Variants in UBR4 observed in about 807,000 individuals in gnomAD.
The protein encoded by UBR4 is ubiquitin protein ligase E3 component n-recognin 4.
Under a neutral mutation model 575.6 loss-of-function variants are expected in UBR4, and 124 were observed. The observed-to-expected ratio is 0.22, with a 90% CI of 0.19 to 0.25. The LOEUF is 0.25. UBR4 is among the 10% of genes least tolerant of loss of function. The pLI is 1.00. For missense variants in UBR4, 4,818 were observed against 6,478.8 expected, an observed-to-expected ratio of 0.74 and a Z score of 8.80; for synonymous variants, 2,455 against 2,473.7, an observed-to-expected ratio of 0.99 and a Z score of 0.22.
intron 102 of UBR4, 197 bp from the exon 103 acceptor site, chr1:19,081,770 C>G (rs552767421): frequency 6.9e-6 from 5 of 726,012 alleles, no homozygotes; most frequent in East Asian, 5.4e-5. Flanking sequence ...CTTCCAGGCC[C>G]TTCTTCGCGG....
Position 19,115,537 on chromosome 1 carries a change from T to C in UBR4, c.10924A>G (p.Ile3642Val). The change falls in exon 74 of 106, where the codon ATT (isoleucine) becomes GTT (valine). Residue 3642 changes from isoleucine (I) to valine (V), a missense_variant. Transcript: ENST00000375254. ...TTTTCATAGAAGTCTGCAAACTCAA[T>C]CATCAGATTGGAGGCCACAATGGGC... ...PLPIVASNLMIEFADFYENYQ... is the reference protein window; with the variant it reads ...PLPIVASNLMVEFADFYENYQ... 1.9e-6 allele frequency: 3 copies of C among 1,614,176 alleles called. No homozygotes were observed. The highest frequency in any genetic ancestry group is 2.5e-6 in the Non-Finnish European group (3 of 1,180,018).
intron 30 of UBR4, 126 bp downstream of exon 30, chr1:19,165,530 A>C: frequency 8.8e-7 from 1 of 1,130,168 alleles, no homozygotes; most frequent in Non-Finnish European, 1.3e-6. Flanking sequence ...TTAACTCCCC[A>C]AAGTGCAGAC....
Position 19,151,763 on chromosome 1 carries a change from G to C in UBR4, c.7093C>G (p.Pro2365Ala). Residue 2365 changes from proline (P) to alanine (A), a missense_variant, in exon 48 of 106, where the codon CCG (proline) becomes GCG (alanine). Transcript: ENST00000375254. ...CTGCCGAAGATCTCGATATATGACGGGGCCCGTTCTATTGCTTGAGTCCCA... is the reference window on the plus strand; with the variant it reads ...CTGCCGAAGATCTCGATATATGACGCGGCCCGTTCTATTGCTTGAGTCCCA... ...QIGTQAIERA[P>A]SYIEIFGRTM... is the part of the protein sequence containing the mutation. The C allele has an allele frequency of 6.2e-7, 1 of 1,614,172 alleles. No homozygotes were observed. Among genetic ancestry groups the C allele is most frequent in the East Asian group, 2.2e-5 (1 of 44,886 alleles).
chr1:19,143,965 C>G lies in UBR4; in HGVS notation c.8179+15G>C. ...CCAAATACAGGCTTGAGCCTAAACC[C>G]AGACCTCATATTACCCATTGGAGTG... On this transcript the variant is annotated intron_variant, in intron 55 of 105. Coordinates refer to ENST00000375254, the MANE Select transcript of UBR4 (RefSeq NM_020765.3). The G allele has an allele frequency of 6.2e-7, 1 of 1,611,448 alleles. No homozygotes were observed. The highest frequency in any genetic ancestry group is 1.1e-5 in the South Asian group (1 of 91,022).
chr1:19,104,226 G>A lies in UBR4; in HGVS notation c.12759C>T (p.Ser4253=). The A allele has an allele frequency of 5.6e-6, 9 of 1,614,178 alleles. No individual in the cohort carries two copies. Among genetic ancestry groups the A allele is most frequent in the Middle Eastern group, 1.6e-4 (1 of 6,062 alleles). The change falls in exon 87 of 106, where the codon TCC becomes TCT. Residue 4253 remains serine, a synonymous_variant. Transcript: ENST00000375254. ...GLLSSFVEVE[S]IKRHFKSRLV... The stretch of plus-strand genomic sequence containing the variant: ...AGCGACTTTTAAAATGTCTTTTGAT[G>A]GATTCCACCTCAACAAAGGAGGAGA...
At chr1:19,197,426 C>T (rs937890796) in intron 7 of UBR4, among the ~76,000 whole-genome samples, 161 bp from the exon 8 acceptor site, 3 of 152,164 alleles carry the variant, frequency 2.0e-5, no homozygotes, top group Non-Finnish European at 4.4e-5. Flanking sequence ...CCCAGGAGTT[C>T]AAGACCAGCC....
intron 19 of UBR4, 43 bp downstream of exon 19, chr1:19,177,418 T>C (rs1421039548): frequency 6.3e-7 from 1 of 1,597,234 alleles, no homozygotes; most frequent in East Asian, 2.2e-5. Flanking sequence ...AAGAATAAAG[T>C]TCTCAGTAAT....
intron 105 of UBR4, 144 bp downstream of exon 105, chr1:19,076,596 T>C (rs2075966063): frequency 3.6e-6 from 4 of 1,120,020 alleles, no homozygotes; most frequent in Non-Finnish European, 5.3e-6. Context: ...TTACGCATCT[T>C]TCCCAGGGCT....
chr1:19,110,119 C>T lies in UBR4; in HGVS notation c.12082G>A (p.Ala4028Thr). 1 of 1,614,164 alleles carries T rather than the reference C, an allele frequency of 6.2e-7. No individual in the cohort carries two copies. The highest frequency in any genetic ancestry group is 1.3e-5 in the African/African-American group (1 of 75,046). The change falls in exon 81 of 106, where the codon GCT becomes ACT. Residue 4028 changes from alanine to threonine, a missense_variant. This residue lies in a region of UBR4 where 333 missense variants were observed against 459.2 expected (regional missense o/e 0.73). Transcript: ENST00000375254. The surrounding 1 kb of genome is among the most constrained non-coding windows in gnomAD (Gnocchi z 4.5). ...RILQKLIKPP[A>T]PTSKKNKDVP... ...ACCTTGTTCTTCTTGCTAGTGGGAG[C>T]AGGTGGTTTTATCAGCTTCTGCAAG... is the stretch of plus-strand genomic sequence containing the variant.
Position 19,100,151 on chromosome 1 carries a change from T to C in UBR4, c.13221+225A>G, listed in dbSNP as rs1210659485. On this transcript the variant is annotated intron_variant, in intron 89 of 105. Transcript: ENST00000375254. This position sits in a 1 kb window ranked among gnomAD's most constrained non-coding sequence, Gnocchi z 4.2. ...CTACAACCAACAGCCATTAACAATA[T>C]GCTTACTTCCTGCCAGGCACTGGGC... The C allele has an allele frequency of 1.1e-5, 6 of 569,946 alleles. No homozygotes were observed. Among genetic ancestry groups the C allele is most frequent in the Non-Finnish European group, 1.6e-5 (5 of 322,466 alleles). 35.3% of individuals were successfully genotyped at this position (569,946 alleles called of 1,614,324 possible).
intron 26 of UBR4, 128 bp downstream of exon 26, chr1:19,170,634 A>G (rs2089373872): frequency 1.6e-6 from 2 of 1,286,108 alleles, no homozygotes; most frequent in South Asian, 2.8e-5. Flanking sequence ...AAACCTACCT[A>G]AATGCTTGAT....
chr1:19,101,985 A>C (rs1395284115), intron 87 of UBR4, among the ~76,000 whole-genome samples: 1 of 152,250 alleles, frequency 6.6e-6, no homozygotes. Context: ...AGAAAATGTC[A>C]AATAATCCTG....
At chr1:19,095,168 A>G (rs2077907968) in intron 93 of UBR4, 143 bp from the exon 94 acceptor site, 2 of 1,272,140 alleles carry the variant, frequency 1.6e-6, no homozygotes, top group Non-Finnish European at 2.2e-6. Context: ...GTGCGTGTAT[A>G]TGCATGTTCT....
At chr1:19,197,595 C>G (rs1490855748) in intron 7 of UBR4, 75 bp downstream of exon 7, 1 of 1,567,414 alleles carries the variant, frequency 6.4e-7, no homozygotes, top group Non-Finnish European at 8.6e-7. Flanking sequence ...CCCCTGCACT[C>G]CAGCCTGGGT....
In UBR4 at chr1:19,100,055, G is replaced by C; in HGVS notation, c.13221+321C>G. On this transcript the variant is annotated intron_variant, in intron 89 of 105. Coordinates refer to ENST00000375254, the MANE Select transcript of UBR4 (RefSeq NM_020765.3). The surrounding 1 kb of genome is among the most constrained non-coding windows in gnomAD (Gnocchi z 4.2). ...AGGGGGTAAAACGCCAATATTTAGGGGGCTCAGGTAACTCAGACTCACCGA... is the reference window on the plus strand; with the variant it reads ...AGGGGGTAAAACGCCAATATTTAGGCGGCTCAGGTAACTCAGACTCACCGA... 2.3e-6 allele frequency: 1 copy of C among 426,608 alleles called. No individual in the cohort carries two copies. Among genetic ancestry groups the C allele is most frequent in the South Asian group, 3.9e-5 (1 of 25,726 alleles). 26.4% of individuals were successfully genotyped at this position (426,608 alleles called of 1,614,324 possible).
intron 78 of UBR4, among the ~76,000 whole-genome samples, chr1:19,111,127 C>G (rs1348492052): frequency 1.3e-5 from 2 of 152,204 alleles, no homozygotes; most frequent in African/African-American, 4.8e-5. Context: ...TGGTGTGACA[C>G]AGTCTCCAAA....
At chr1:19,094,505 T>C (rs1249120510) in intron 94 of UBR4, among the ~76,000 whole-genome samples, 1 of 151,932 alleles carries the variant, frequency 6.6e-6, no homozygotes, top group East Asian at 1.9e-4. Context: ...ATTCTGGGAG[T>C]TGGAGATCTG....
At chr1:19,207,584 G>A (rs924525666) in intron 1 of UBR4, among the ~76,000 whole-genome samples, 3 of 152,164 alleles carry the variant, frequency 2.0e-5, no homozygotes, top group Non-Finnish European at 4.4e-5. Context: ...AGGTAAAATC[G>A]TGCCACTGCA....
At chr1:19,175,342 G>A (rs2090124899) in intron 20 of UBR4, among the ~76,000 whole-genome samples, 1 of 146,958 alleles carries the variant, frequency 6.8e-6, no homozygotes, top group South Asian at 2.1e-4. Context: ...ATTGCTCTAA[G>A]AGTTAAGTAG....
Sources: allele counts gnomAD v4.1 joint callset (sites outside exome capture counted in the v4.1 genomes callset), GRCh38; gene constraint gnomAD v4.1.1; regional missense constraint gnomAD v4.1.1; non-coding constraint Gnocchi (gnomAD v3.1); transcripts MANE v1.5; gene names NCBI Gene and HGNC (gene_info 2026-07-23, HGNC 2026-07-21).